The following SCAMP2 variants were observed in gnomAD, a reference collection of about 807,000 sequenced individuals.
The protein encoded by SCAMP2 is secretory carrier membrane protein 2.
In SCAMP2, 25 loss-of-function variants were observed where a neutral mutation model predicts 44.1. That is an observed-to-expected ratio of 0.57 (90% confidence interval 0.41 to 0.79). The LOEUF is 0.79. Ranked by LOEUF, SCAMP2 falls within the 30% of genes least tolerant of loss-of-function variation. The pLI is 0.00. For missense variants in SCAMP2, 355 were observed against 411.0 expected, an observed-to-expected ratio of 0.86 and a Z score of 1.18; for synonymous variants, 156 against 166.0, an observed-to-expected ratio of 0.94 and a Z score of 0.46.
intron 1 of SCAMP2, among the ~76,000 whole-genome samples, chr15:74,867,569 G>A (rs1391037745): frequency 6.6e-6 from 1 of 152,210 alleles, no homozygotes; most frequent in Non-Finnish European, 1.5e-5. Context: ...AGGTCCATCT[G>A]GTTATTCCAA....
intron 1 of SCAMP2, among the ~76,000 whole-genome samples, chr15:74,871,870 C>T (rs1308054095): frequency 6.6e-6 from 1 of 150,602 alleles, no homozygotes; most frequent in Non-Finnish European, 1.5e-5. Flanking sequence ...TAAGGTGAAA[C>T]CCCGTCTCTA....
intron 2 of SCAMP2, 121 bp from the exon 3 acceptor site, chr15:74,854,240 G>A (rs2064453885): frequency 1.1e-6 from 1 of 888,802 alleles, no homozygotes; most frequent in Non-Finnish European, 1.8e-6. Flanking sequence ...CTCGGGGCCT[G>A]CACTGGGCCT....
At chr15:74,861,900 C>CAAAAAAAAAAAAAAAAAA (rs71140103) in intron 1 of SCAMP2, among the ~76,000 whole-genome samples, 4 of 44,224 alleles carry the variant, frequency 9.0e-5, no homozygotes, top group Non-Finnish European at 1.5e-4. Context: ...GACTCTGTCT[C>CAAAAAAAAAAAAAAAAAA]AAAAAAAAAA....
At chr15:74,859,051 G>T (rs1490970409) in intron 1 of SCAMP2, among the ~76,000 whole-genome samples, 1 of 151,808 alleles carries the variant, frequency 6.6e-6, no homozygotes, top group Non-Finnish European at 1.5e-5. Context: ...CTTGTGATCC[G>T]CCCACCTCAG....
chr15:74,863,987 A>T (rs2141180220), intron 1 of SCAMP2, among the ~76,000 whole-genome samples: 1 of 152,316 alleles, frequency 6.6e-6, no homozygotes, highest in South Asian at 2.1e-4. Context: ...GATGAAAGAA[A>T]CCTAGCAAAC....
At chr15:74,860,854 CA>C (rs2064498899) in intron 1 of SCAMP2, among the ~76,000 whole-genome samples, 1 of 148,886 alleles carries the variant, frequency 6.7e-6, no homozygotes, top group East Asian at 2.0e-4. Flanking sequence ...GACTCTGTCT[CA>C]AAAAAATAAA....
At chr15:74,865,019 G>A (rs2064532601) in intron 1 of SCAMP2, among the ~76,000 whole-genome samples, 1 of 141,476 alleles carries the variant, frequency 7.1e-6, no homozygotes, top group Non-Finnish European at 1.5e-5. Flanking sequence ...CCCAGGAGAG[G>A]TGGAGGCTGC....
At chr15:74,865,350 C>T (rs1036279930) in intron 1 of SCAMP2, among the ~76,000 whole-genome samples, 15 of 143,252 alleles carry the variant, frequency 1.0e-4, no homozygotes, top group African/African-American at 3.1e-4. Flanking sequence ...CACTGCACTC[C>T]AGCCTGGGCA....
At chr15:74,854,478 G>C (rs1213497466) in intron 2 of SCAMP2, 103 bp downstream of exon 2, 2 of 978,620 alleles carry the variant, frequency 2.0e-6, no homozygotes, top group African/African-American at 1.6e-5. Flanking sequence ...GAGGACTGCC[G>C]CTTCTCAGAG....
chr15:74,854,804 C>T (rs893343797), intron 1 of SCAMP2, among the ~76,000 whole-genome samples, 155 bp from the exon 2 acceptor site: 2 of 152,198 alleles, frequency 1.3e-5, no homozygotes, highest in Admixed American at 6.5e-5. Context: ...CTGCCTCTGC[C>T]ACACCACAGC....
intron 1 of SCAMP2, among the ~76,000 whole-genome samples, chr15:74,864,672 G>A (rs1047208208): frequency 5.9e-5 from 9 of 152,146 alleles, no homozygotes; most frequent in Admixed American, 5.9e-4. Flanking sequence ...CAGCAGCTGG[G>A]GATGGAGAAG....
rs148906225 is a variant in SCAMP2, at chr15:74,851,786, C to A, written c.343+283G>T. On this transcript the variant is annotated intron_variant, in intron 4 of 8. Coordinates refer to ENST00000268099, the MANE Select transcript of SCAMP2 (RefSeq NM_005697.5). ...TAAGTGTGAGAACTCAGTTCATCAT[C>A]ATTAGCAAGGAATTGTGGGACCAAA... 1,232 of 452,778 alleles carry A rather than the reference C, an allele frequency of 2.7e-3. 12 individuals are homozygous for A. Among genetic ancestry groups the A allele is most frequent in the East Asian group, 0.023 (667 of 29,510 alleles). The allele number at this position is 452,778 out of a possible 1,614,324, so 28.0% of individuals were successfully genotyped here.
chr15:74,873,329 G>A lies in SCAMP2; in HGVS notation c.-74C>T. 7.5e-7 allele frequency: 1 copy of A among 1,326,024 alleles called. No individual in the cohort carries two copies. Among genetic ancestry groups the A allele is most frequent in the Non-Finnish European group, 9.9e-7 (1 of 1,006,206 alleles). The allele number at this position is 1,326,024 out of a possible 1,614,324, so 82.1% of individuals were successfully genotyped here. ...GCACCCAGACCCAGCGGCGCTTCGT[G>A]TAGACCCTCCACTTCCGGGAGCGAG... is the stretch of plus-strand genomic sequence containing the variant. On this transcript the variant is annotated 5_prime_UTR_variant, in exon 1 of 9. Transcript: ENST00000268099.
chr15:74,873,102 C>A, intron 1 of SCAMP2, 97 bp downstream of exon 1: 1 of 1,120,352 alleles, frequency 8.9e-7, no homozygotes, highest in Non-Finnish European at 1.2e-6. Context: ...TGACCCGTCC[C>A]TCCTACGCCA....
At chr15:74,849,654 G>C (rs984261415) in intron 6 of SCAMP2, among the ~76,000 whole-genome samples, 5 of 151,906 alleles carry the variant, frequency 3.3e-5, no homozygotes, top group Non-Finnish European at 5.9e-5. Context: ...TGAGGCAGGA[G>C]AATCATTTGA....
At chr15:74,870,054 G>GAGGAAA (rs1215774919) in intron 1 of SCAMP2, among the ~76,000 whole-genome samples, 1 of 152,174 alleles carries the variant, frequency 6.6e-6, no homozygotes, top group Non-Finnish European at 1.5e-5. Context: ...TGTGTGCCAA[G>GAGGAAA]AGGAAAAGCC....
intron 1 of SCAMP2, among the ~76,000 whole-genome samples, chr15:74,859,482 C>T (rs1225365027): frequency 6.6e-6 from 1 of 152,120 alleles, no homozygotes; most frequent in Non-Finnish European, 1.5e-5. Context: ...ACAGCAAAGG[C>T]CCAGATCAGT....
chr15:74,873,085 G>T, intron 1 of SCAMP2, 114 bp downstream of exon 1: 1 of 913,828 alleles, frequency 1.1e-6, no homozygotes. Context: ...CTCTCCCATT[G>T]GGCAGATGAC....
intron 1 of SCAMP2, among the ~76,000 whole-genome samples, chr15:74,867,199 G>A (rs1162865326): frequency 6.6e-6 from 1 of 152,238 alleles, no homozygotes; most frequent in Non-Finnish European, 1.5e-5. Context: ...TGACCTCAGT[G>A]ATGTGCACTA....
Sources: allele counts gnomAD v4.1 joint callset (sites outside exome capture counted in the v4.1 genomes callset), GRCh38; gene constraint gnomAD v4.1.1; transcripts MANE v1.5; gene names NCBI Gene and HGNC (gene_info 2026-07-23, HGNC 2026-07-21).